Variants in ATG7 observed in about 807,000 individuals in gnomAD.
ATG7 encodes the protein autophagy related 7.
Under a neutral mutation model 82.4 loss-of-function variants are expected in ATG7, and 70 were observed. The ratio of observed to expected loss-of-function variants is 0.85; its 90% CI spans 0.70 to 1.04. The LOEUF (loss-of-function observed/expected upper bound fraction) is 1.04, where lower values mean the gene tolerates loss of function less well. Ranked by LOEUF, ATG7 falls within the 50% of genes least tolerant of loss-of-function variation. The pLI is 0.00. For synonymous variants in ATG7, 287 were observed against 313.0 expected (o/e 0.92, Z 0.88); for missense variants, 792 against 864.3 (o/e 0.92, Z 1.05).
chr3:11,336,325 G>T (rs1215195863), intron 11 of ATG7, among the ~76,000 whole-genome samples: 1 of 151,938 alleles, frequency 6.6e-6, no homozygotes, highest in African/African-American at 2.4e-5. Flanking sequence ...TGAGTCACAC[G>T]TCCAGCCGAT....
chr3:11,408,937 G>A (rs2080624303), intron 19 of ATG7, among the ~76,000 whole-genome samples: 1 of 152,114 alleles, frequency 6.6e-6, no homozygotes, highest in Non-Finnish European at 1.5e-5. Flanking sequence ...ATGCTTACTT[G>A]TATATCTTCT....
At chr3:11,536,192 G>A (rs79819250) in intron 20 of ATG7, among the ~76,000 whole-genome samples, 5,281 of 152,312 alleles carry the variant, frequency 0.035, 109 homozygotes, top group African/African-American at 0.054. Context: ...GAGGAGAACC[G>A]AGAGGTTTTC....
At chr3:11,402,294 G>A (rs956085730) in intron 19 of ATG7, among the ~76,000 whole-genome samples, 1 of 152,188 alleles carries the variant, frequency 6.6e-6, no homozygotes, top group East Asian at 1.9e-4. Flanking sequence ...TAGCTGGGGT[G>A]TAGTGGCAGG....
chr3:11,371,501 G>T (rs1048777596), intron 18 of ATG7, among the ~76,000 whole-genome samples: 8 of 150,998 alleles, frequency 5.3e-5, no homozygotes, highest in Non-Finnish European at 1.0e-4. Flanking sequence ...GACTGGAGGT[G>T]ATACGAGTGG....
chr3:11,535,221 C>T (rs771739687), intron 20 of ATG7, among the ~76,000 whole-genome samples: 3 of 152,240 alleles, frequency 2.0e-5, no homozygotes, highest in Non-Finnish European at 2.9e-5. Flanking sequence ...CCCTTTGCCC[C>T]CTCTAGCTCA....
chr3:11,435,597 G>A (rs2083296416), intron 20 of ATG7, among the ~76,000 whole-genome samples: 1 of 152,144 alleles, frequency 6.6e-6, no homozygotes, highest in Non-Finnish European at 1.5e-5. Flanking sequence ...CTGGTCAGAA[G>A]GTCTGAGTTC....
chr3:11,516,339 TAATAA>T (rs1284569376), intron 20 of ATG7, among the ~76,000 whole-genome samples: 3 of 151,220 alleles, frequency 2.0e-5, no homozygotes, highest in African/African-American at 4.9e-5. Flanking sequence ...AGTATAATAA[TAATAA>T]AATTAAAAAA....
intron 15 of ATG7, among the ~76,000 whole-genome samples, chr3:11,359,525 T>C (rs964579440): frequency 4.6e-5 from 7 of 151,986 alleles, no homozygotes; most frequent in African/African-American, 1.2e-4. Flanking sequence ...TGAGACTCTC[T>C]CTCTAGAAGA....
chr3:11,551,239 C>T (rs1304100745), intron 20 of ATG7, among the ~76,000 whole-genome samples: 1 of 152,220 alleles, frequency 6.6e-6, no homozygotes, highest in African/African-American at 2.4e-5. Flanking sequence ...CTCCCTCGGC[C>T]CATGGTGGGG....
chr3:11,475,868 GACACAC>G (rs3219674), intron 20 of ATG7, among the ~76,000 whole-genome samples: 1,155 of 111,184 alleles, frequency 0.01, 18 homozygotes, highest in African/African-American at 0.032. Context: ...CTGTCTCTGA[GACACAC>G]ACACACACAC....
At chr3:11,573,304 AAAGGAAGGAAGG>A in the ATG7 span, among the ~76,000 whole-genome samples, 308 of 11,934 alleles carry the variant, frequency 0.026, 32 homozygotes, top group African/African-American at 0.043. Flanking sequence ...AGAAAGAAAG[AAAGGAAGGAAGG>A]AAGAAAGAAA....
chr3:11,429,948 G>GA (rs542247546), intron 20 of ATG7, among the ~76,000 whole-genome samples: 95,486 of 126,066 alleles, frequency 0.76, 36,557 homozygotes, highest in East Asian at 0.98. Flanking sequence ...TCTGTCTCAG[G>GA]AAAAAAAAAA....
the ATG7 span, among the ~76,000 whole-genome samples, chr3:11,576,334 T>C: frequency 1.3e-5 from 2 of 152,248 alleles, no homozygotes; most frequent in South Asian, 4.1e-4. Context: ...TTAATAAAAT[T>C]GAAAAGAATT....
downstream of ATG7, chr3:11,559,450 C>A: frequency 6.4e-7 from 1 of 1,561,666 alleles, no homozygotes; most frequent in Non-Finnish European, 8.7e-7. Flanking sequence ...TCACGGAGGG[C>A]CGGTTCTGCG....
At chr3:11,353,225 C>T (rs984458693) in intron 14 of ATG7, among the ~76,000 whole-genome samples, 5 of 152,000 alleles carry the variant, frequency 3.3e-5, no homozygotes, top group Admixed American at 1.3e-4. Flanking sequence ...GGGTGGATCA[C>T]GAGGTCAAGA....
At chr3:11,290,750 T>C (rs751229246) in intron 3 of ATG7, 32 of 176,204 alleles carry the variant, frequency 1.8e-4, no homozygotes, top group Admixed American at 1.9e-4. Context: ...AATGGTGCGA[T>C]CTCAGCTCAC....
In ATG7 at chr3:11,365,310, A is replaced by C. The variant is rs145851510; in HGVS notation, c.1875+576A>C. On this transcript the variant is annotated intron_variant, in intron 18 of 20. Coordinates refer to ENST00000693202, the MANE Select transcript of ATG7 (RefSeq NM_001349232.2). Reference sequence around the variant, plus strand: ...CTTTATAGGCAGGCATGAGAAAAACATTAGAAGCATGCAGGGTCACCAAAA... The same window carrying C: ...CTTTATAGGCAGGCATGAGAAAAACCTTAGAAGCATGCAGGGTCACCAAAA... Among the ~76,000 whole-genome samples, 727 of 152,316 alleles carry C rather than the reference A, an allele frequency of 4.8e-3. 6 individuals are homozygous for C. Among genetic ancestry groups the C allele is most frequent in the African/African-American group, 0.017 (697 of 41,568 alleles).
At chr3:11,485,228 T>C (rs2089484119) in intron 20 of ATG7, among the ~76,000 whole-genome samples, 2 of 152,260 alleles carry the variant, frequency 1.3e-5, no homozygotes, top group Admixed American at 6.5e-5. Flanking sequence ...TTTTTAATGA[T>C]TGCCATTCTA....
At chr3:11,432,649 T>TA (rs924163715) in intron 20 of ATG7, among the ~76,000 whole-genome samples, 12 of 150,694 alleles carry the variant, frequency 8.0e-5, no homozygotes, top group East Asian at 1.9e-4. Context: ...ACTATTGAAA[T>TA]AAAAAAAAAG....
Sources: allele counts gnomAD v4.1 joint callset (sites outside exome capture counted in the v4.1 genomes callset), GRCh38; gene constraint gnomAD v4.1.1; transcripts MANE v1.5; gene names NCBI Gene and HGNC (gene_info 2026-07-23, HGNC 2026-07-21).